GALC: variants seen among roughly 807,000 people sequenced by gnomAD.
GALC encodes galactosylceramidase, also known as galactocerebrosidase.
Under a neutral mutation model 91.8 loss-of-function variants are expected in GALC, and 77 were observed. The observed-to-expected ratio is 0.84, with a 90% confidence interval of 0.70 to 1.01. The LOEUF (loss-of-function observed/expected upper bound fraction) is 1.01, where lower values mean the gene tolerates loss of function less well. GALC is among the 50% of genes least tolerant of loss of function. The pLI, the probability that GALC is intolerant of heterozygous loss-of-function variation, is 0.00. For missense variants in GALC, 882 were observed against 855.9 expected (o/e 1.03, Z -0.38); for synonymous variants, 357 against 306.7 (o/e 1.16, Z -1.71).
intron 7 of GALC, 108 bp downstream of exon 7, chr14:87,976,250 G>GCTAC: frequency 8.5e-7 from 1 of 1,171,384 alleles, no homozygotes; most frequent in South Asian, 1.2e-5. Context: ...ATACAGGAGA[G>GCTAC]CTACCTTCTG....
chr14:87,983,879 T>A (rs1023493546), intron 5 of GALC, among the ~76,000 whole-genome samples: 2 of 152,202 alleles, frequency 1.3e-5, no homozygotes, highest in Non-Finnish European at 2.9e-5. Flanking sequence ...GAGCTAAAAG[T>A]GTTTTTAGTT....
intron 10 of GALC, chr14:87,954,145 T>C: frequency 6.2e-7 from 1 of 1,606,244 alleles, no homozygotes; most frequent in Non-Finnish European, 8.5e-7. Context: ...AGTGATGTTG[T>C]ACTTCAAGAC....
At position 87,963,515 on chromosome 14, in the gene GALC, T is replaced by C. The variant is rs775263627; in HGVS notation, c.1034-4A>G. On this transcript the variant is annotated splice_region_variant and splice_polypyrimidine_tract_variant and intron_variant, in intron 9 of 16. Coordinates refer to ENST00000261304, the MANE Select transcript of GALC (RefSeq NM_000153.4). ...TGAGTAAACTGAGTGGTATGAGCTA[T>C]AGAAAAACAGAAAGTTCCAAATAAG... The C allele has an allele frequency of 5.9e-5, 95 of 1,611,292 alleles. 1 individual carries two copies. The Admixed American group carries it at 6.2e-4, about 10-fold the overall frequency.
intron 9 of GALC, 53 bp downstream of exon 9, chr14:87,965,452 G>T: frequency 6.3e-7 from 1 of 1,589,242 alleles, no homozygotes; most frequent in Non-Finnish European, 8.6e-7. Flanking sequence ...GTTTTTTTCT[G>T]CTTTGTCTCT....
chr14:87,967,821 CT>C (rs1412767077), intron 8 of GALC, among the ~76,000 whole-genome samples: 7 of 152,072 alleles, frequency 4.6e-5, no homozygotes, highest in Non-Finnish European at 1.0e-4. Context: ...AGGGGTGTAA[CT>C]TTTAAATGCA....
At chr14:87,943,711 G>C (rs1884951044) in intron 14 of GALC, among the ~76,000 whole-genome samples, 1 of 151,976 alleles carries the variant, frequency 6.6e-6, no homozygotes, top group African/African-American at 2.4e-5. Context: ...CCATCAAAGT[G>C]CCTACTATTA....
At chr14:87,955,433 A>G (rs74073726) in intron 10 of GALC, among the ~76,000 whole-genome samples, 2,518 of 152,120 alleles carry the variant, frequency 0.017, 67 homozygotes, top group African/African-American at 0.057. Context: ...AGTCAAGGCA[A>G]TATGTAGCAG....
chr14:87,978,938 G>A (rs79518230), intron 6 of GALC, among the ~76,000 whole-genome samples: 7,008 of 151,918 alleles, frequency 0.046, 256 homozygotes, highest in Non-Finnish European at 0.074. Flanking sequence ...CTTTCCAGGG[G>A]TCATCTTATT....
intron 4 of GALC, 127 bp from the exon 5 acceptor site, chr14:87,984,660 G>T (rs1595236929): frequency 1.1e-6 from 1 of 886,394 alleles, no homozygotes; most frequent in Non-Finnish European, 1.8e-6. Context: ...CTGACTAAAG[G>T]AAAGTTTATA....
chr14:87,968,343 A>G lies in GALC; in HGVS notation c.900T>C (p.Tyr300=), dbSNP rs2140001415. ...GGTTTTTAATAACTTACGAAGTCAT[A>G]TAGCCATTGATATAATTCTGATTTA... is the stretch of plus-strand genomic sequence containing the variant. ...RILNQNYING[Y]MTSTIAWNLV... Residue 300 remains tyrosine (Y), a synonymous_variant, in exon 8 of 17, where the codon TAT becomes TAC. Coordinates refer to ENST00000261304, the MANE Select transcript of GALC (RefSeq NM_000153.4). The G allele has an allele frequency of 3.1e-6, 5 of 1,612,420 alleles. No homozygotes were observed. The highest frequency in any genetic ancestry group is 4.2e-6 in the Non-Finnish European group (5 of 1,179,036).
intron 12 of GALC, among the ~76,000 whole-genome samples, chr14:87,948,725 A>G (rs1885180070): frequency 6.6e-6 from 1 of 152,124 alleles, no homozygotes; most frequent in South Asian, 2.1e-4. Flanking sequence ...AAATGACATT[A>G]TTTTTCTTAT....
At chr14:87,966,745 T>C (rs1316530325) in intron 8 of GALC, among the ~76,000 whole-genome samples, 1 of 152,214 alleles carries the variant, frequency 6.6e-6, no homozygotes, top group Non-Finnish European at 1.5e-5. Context: ...AAAATCTATG[T>C]ATTTCTGACC....
intron 4 of GALC, 41 bp downstream of exon 4, chr14:87,986,448 G>A (rs779020247): frequency 2.4e-6 from 3 of 1,245,566 alleles, no homozygotes; most frequent in Non-Finnish European, 2.4e-6. Flanking sequence ...AAAAGTTAAA[G>A]GAAAAGAGAC....
intron 4 of GALC, 139 bp from the exon 5 acceptor site, chr14:87,984,672 A>G: frequency 6.5e-6 from 5 of 765,278 alleles, no homozygotes; most frequent in African/African-American, 3.5e-5. Flanking sequence ...AAGTTTATAT[A>G]CCATATAAAA....
intron 1 of GALC, chr14:87,992,381 TTAAAGA>T (rs1156233250): frequency 1.1e-5 from 17 of 1,535,562 alleles, no homozygotes; most frequent in Non-Finnish European, 1.5e-5. Flanking sequence ...TATCTTCCTT[TTAAAGA>T]GACCTTGAGG....
intron 7 of GALC, among the ~76,000 whole-genome samples, chr14:87,970,235 T>C (rs1886229388): frequency 6.6e-6 from 1 of 152,124 alleles, no homozygotes; most frequent in South Asian, 2.1e-4. Flanking sequence ...CAAATGCATG[T>C]TTGGTGTATT....
chr14:87,948,729 T>C (rs2139958727), intron 12 of GALC, among the ~76,000 whole-genome samples: 1 of 152,212 alleles, frequency 6.6e-6, no homozygotes, highest in South Asian at 2.1e-4. Context: ...GACATTATTT[T>C]TCTTATGAGG....
chr14:87,963,569 T>G, intron 9 of GALC, 58 bp from the exon 10 acceptor site: 1 of 1,474,618 alleles, frequency 6.8e-7, no homozygotes, highest in Non-Finnish European at 9.3e-7. Context: ...GTATTTCTTT[T>G]GGGAAAAAAA....
intron 6 of GALC, among the ~76,000 whole-genome samples, chr14:87,977,483 C>T (rs1473265927): frequency 6.6e-6 from 1 of 152,066 alleles, no homozygotes; most frequent in African/African-American, 2.4e-5. Context: ...CAAGTACATA[C>T]CAAAATGTAT....
Sources: gnomAD v4.1 joint callset for allele counts (sites outside exome capture counted in the v4.1 genomes callset) on GRCh38, gnomAD v4.1.1 for gene constraint, MANE v1.5 for transcripts, NCBI Gene and HGNC (gene_info 2026-07-23, HGNC 2026-07-21) for gene names.